Variants in CELF1 observed in about 807,000 individuals in gnomAD.
The protein encoded by CELF1 is CUGBP Elav-like family member 1.
CELF1 carries 10 observed loss-of-function variants against 61.8 expected under a neutral mutation model. That is an observed-to-expected ratio of 0.16 (90% CI 0.10 to 0.27). The LOEUF is 0.27. Ranked by LOEUF, CELF1 falls within the 10% of genes least tolerant of loss-of-function variation. The probability of loss-of-function intolerance (pLI) is 1.00; values close to 1 mark genes in which losing one functional copy is unlikely to be tolerated. For synonymous variants in CELF1, 236 were observed against 225.1 expected (o/e 1.05, Z -0.43); for missense variants, 380 against 639.1 (o/e 0.59, Z 4.37).
intron 3 of CELF1, chr11:47,494,411 T>TA (rs1346237648): frequency 1.0e-6 from 1 of 983,672 alleles, no homozygotes; most frequent in Non-Finnish European, 1.2e-6. Context: ...GACAAGAGGT[T>TA]ACTTCGTCTA....
At chr11:47,489,640 C>A (rs769611355) in intron 3 of CELF1, among the ~76,000 whole-genome samples, 1 of 152,070 alleles carries the variant, frequency 6.6e-6, no homozygotes, top group Non-Finnish European at 1.5e-5. Flanking sequence ...GATGATTGTG[C>A]GATGAACATA....
At chr11:47,487,075 T>C (rs1366594319) in intron 5 of CELF1, 84 bp downstream of exon 5, 9 of 1,122,972 alleles carry the variant, frequency 8.0e-6, no homozygotes, top group Non-Finnish European at 1.2e-5. Flanking sequence ...CCCAAAATGG[T>C]TTTCAGTGTG....
intron 1 of CELF1, among the ~76,000 whole-genome samples, chr11:47,544,823 A>G (rs966667204): frequency 2.0e-5 from 3 of 151,338 alleles, no homozygotes; most frequent in Non-Finnish European, 4.4e-5. Flanking sequence ...TTAGCCAGGT[A>G]TGGTGGCACA....
chr11:47,495,177 G>A (rs1298814816), intron 3 of CELF1, among the ~76,000 whole-genome samples: 1 of 152,246 alleles, frequency 6.6e-6, no homozygotes, highest in East Asian at 1.9e-4. Context: ...TGCAACTAGA[G>A]ATAGCATGGG....
At chr11:47,507,626 C>T (rs1397515955) in intron 1 of CELF1, among the ~76,000 whole-genome samples, 1 of 152,182 alleles carries the variant, frequency 6.6e-6, no homozygotes, top group Admixed American at 6.5e-5. Flanking sequence ...ACAACTCCTG[C>T]CAGCTGTATT....
chr11:47,498,725 G>A (rs959794043), intron 3 of CELF1, among the ~76,000 whole-genome samples: 5 of 152,214 alleles, frequency 3.3e-5, no homozygotes, highest in Non-Finnish European at 7.3e-5. Context: ...GTTCCTAGCA[G>A]CTACAACTCA....
chr11:47,472,867 C>G (rs1160092695), intron 14 of CELF1, among the ~76,000 whole-genome samples: 1 of 152,164 alleles, frequency 6.6e-6, no homozygotes, highest in Non-Finnish European at 1.5e-5. Flanking sequence ...AAACCATTTT[C>G]CATATATTAT....
intron 1 of CELF1, among the ~76,000 whole-genome samples, chr11:47,546,882 T>A (rs1397052705): frequency 1.3e-5 from 2 of 151,856 alleles, no homozygotes; most frequent in East Asian, 3.9e-4. Flanking sequence ...TTGACCAACC[T>A]GGAGAAACCT....
chr11:47,530,633 A>C (rs1439772941), intron 1 of CELF1, among the ~76,000 whole-genome samples: 1 of 152,206 alleles, frequency 6.6e-6, no homozygotes. Context: ...GTGAGACATG[A>C]AAACTGGGAG....
rs1228648338 is a variant in CELF1, at chr11:47,481,081, GTTTTTTTTTTTTTTCTTCTTCTTTTTT to G, written c.768+1587_768+1613del. On this transcript the variant is annotated intron_variant, in intron 9 of 14. Coordinates refer to ENST00000687097, the MANE Select transcript of CELF1 (RefSeq NM_001376376.1). ...GAAATACTAGCTAGGATAAACTGGG[GTTTTTTTTTTTTTTCTTCTTCTTTTTT>G]TTTTTTTTTTTTTTTTTTTGTGAGA... 1.4e-3 allele frequency among the ~76,000 whole-genome samples: 128 copies of G among 92,870 alleles called. 1 individual carries two copies. Among genetic ancestry groups the G allele is most frequent in the South Asian group, 0.013 (33 of 2,550 alleles). 60.9% of individuals were successfully genotyped at this position (92,870 alleles called of 152,430 possible).
chr11:47,509,380 A>G (rs2094859870), intron 1 of CELF1, among the ~76,000 whole-genome samples: 1 of 152,122 alleles, frequency 6.6e-6, no homozygotes, highest in South Asian at 2.1e-4. Flanking sequence ...AGGTGGTTCT[A>G]AAGAGGAGTA....
rs1475956918 is a variant in CELF1, at chr11:47,467,603, G to A, written c.*4627C>T. ...GCAGATGGCCTCCTACGGGTGATTG[G>A]GAGCGCCCTCCTTCCTCCAGGTGCT... On this transcript the variant is annotated 3_prime_UTR_variant, in exon 15 of 15. Coordinates refer to ENST00000687097, the MANE Select transcript of CELF1 (RefSeq NM_001376376.1). The A allele has an allele frequency of 2.0e-5, 3 of 152,282 alleles. No individual in the cohort carries two copies. Among genetic ancestry groups the A allele is most frequent in the East Asian group, 1.9e-4 (1 of 5,190 alleles). 9.4% of individuals were successfully genotyped at this position (152,282 alleles called of 1,614,324 possible). A position where few individuals can be genotyped will look rare whatever the true frequency, so the allele number is the denominator to read the frequency against.
intron 1 of CELF1, among the ~76,000 whole-genome samples, chr11:47,548,959 C>A (rs2097060794): frequency 6.6e-6 from 1 of 151,668 alleles, no homozygotes; most frequent in African/African-American, 2.4e-5. Flanking sequence ...TGGGAAATGG[C>A]CTTGAACAGA....
At chr11:47,522,668 A>C (rs1039977342) in intron 1 of CELF1, among the ~76,000 whole-genome samples, 3 of 152,016 alleles carry the variant, frequency 2.0e-5, no homozygotes, top group African/African-American at 7.2e-5. Flanking sequence ...TCTCTACTAA[A>C]ATACAAAAAT....
At chr11:47,486,415 CT>C (rs889800216) in intron 6 of CELF1, among the ~76,000 whole-genome samples, 142 of 144,146 alleles carry the variant, frequency 9.9e-4, no homozygotes, top group East Asian at 1.2e-3. Context: ...AGGCAGAAAT[CT>C]TTTTTTTTTT....
chr11:47,532,793 C>T (rs1455016468), intron 1 of CELF1, among the ~76,000 whole-genome samples: 2 of 152,144 alleles, frequency 1.3e-5, no homozygotes, highest in Admixed American at 1.3e-4. Flanking sequence ...GGGCCACCCA[C>T]CACCTTCCCA....
chr11:47,534,151 C>G (rs2096570169), intron 1 of CELF1, among the ~76,000 whole-genome samples: 1 of 150,442 alleles, frequency 6.6e-6, no homozygotes, highest in Non-Finnish European at 1.5e-5. Context: ...GCCTCAGCCT[C>G]CGAAGTAGCT....
At chr11:47,487,271 A>C (rs774274497) in intron 4 of CELF1, 30 bp from the exon 5 acceptor site, 4 of 1,560,950 alleles carry the variant, frequency 2.6e-6, no homozygotes, top group Admixed American at 3.4e-5. Flanking sequence ...ATAAAATCAA[A>C]CTTTGGAAAG....
intron 4 of CELF1, 116 bp from the exon 5 acceptor site, chr11:47,487,357 TGA>T (rs1418624438): frequency 1.3e-5 from 9 of 692,964 alleles, no homozygotes; most frequent in Admixed American, 5.3e-5. Context: ...TTAAAATTAG[TGA>T]GAGGGGGAGG....
Sources: gnomAD v4.1 joint callset for allele counts (sites outside exome capture counted in the v4.1 genomes callset) on GRCh38, gnomAD v4.1.1 for gene constraint, MANE v1.5 for transcripts, NCBI Gene and HGNC (gene_info 2026-07-23, HGNC 2026-07-21) for gene names.